The following DYTN variants were observed in gnomAD, a reference collection of about 807,000 sequenced individuals.
DYTN encodes dystrotelin.
Under a neutral mutation model 69.6 loss-of-function variants are expected in DYTN, and 75 were observed. That is an observed-to-expected ratio of 1.08 (90% CI 0.89 to 1.31). The LOEUF is 1.31. Among genes scored for constraint, DYTN ranks in the 50% most tolerant of loss-of-function variants. DYTN has a pLI of 0.00. For synonymous variants in DYTN, 252 were observed against 249.1 expected (o/e 1.01, Z -0.11); for missense variants, 726 against 688.4 (o/e 1.05, Z -0.61).
intron 7 of DYTN, among the ~76,000 whole-genome samples, chr2:206,696,420 T>TTGTTTACTG (rs145346741): frequency 0.01 from 1,581 of 152,278 alleles, 27 homozygotes; most frequent in African/African-American, 0.036. Flanking sequence ...TCAGCTACCC[T>TTGTTTACTG]TGTTTACTGC....
intron 5 of DYTN, among the ~76,000 whole-genome samples, chr2:206,703,707 C>T (rs767771796): frequency 1.3e-5 from 2 of 152,186 alleles, no homozygotes; most frequent in African/African-American, 4.8e-5. Flanking sequence ...TCCTCCTTAT[C>T]CCGCCCTTGC....
At chr2:206,711,195 T>C (rs1181879878) in intron 1 of DYTN, among the ~76,000 whole-genome samples, 1 of 152,248 alleles carries the variant, frequency 6.6e-6, no homozygotes, top group Non-Finnish European at 1.5e-5. Flanking sequence ...ATTTTCTCTC[T>C]GCTCAATATT....
chr2:206,692,100 AC>A (rs970526542), intron 9 of DYTN, among the ~76,000 whole-genome samples: 3 of 151,860 alleles, frequency 2.0e-5, no homozygotes, highest in African/African-American at 7.3e-5. Flanking sequence ...ACATAGTGAG[AC>A]CCCCATCTCT....
chr2:206,661,452 A>T (rs2105887685), intron 11 of DYTN, among the ~76,000 whole-genome samples: 1 of 152,256 alleles, frequency 6.6e-6, no homozygotes, highest in African/African-American at 2.4e-5. Flanking sequence ...CTTGAACAAT[A>T]CAGGTTTGAA....
intron 9 of DYTN, among the ~76,000 whole-genome samples, chr2:206,674,918 A>G (rs900774565): frequency 1.3e-5 from 2 of 151,974 alleles, no homozygotes; most frequent in Admixed American, 6.6e-5. Flanking sequence ...ATCTCGAGCC[A>G]ACAACTAAAA....
At chr2:206,679,203 C>G (rs1313278082) in intron 9 of DYTN, 1 of 152,116 alleles carries the variant, frequency 6.6e-6, no homozygotes, top group Non-Finnish European at 1.5e-5. Context: ...GTTGTAGCAA[C>G]TTTTAATTAT....
intron 11 of DYTN, among the ~76,000 whole-genome samples, chr2:206,655,768 G>A (rs1429505947): frequency 6.6e-6 from 1 of 151,896 alleles, no homozygotes; most frequent in East Asian, 1.9e-4. Flanking sequence ...AATGTGTTGT[G>A]TAGTTTAACA....
chr2:206,660,693 T>C (rs539703062), intron 11 of DYTN, among the ~76,000 whole-genome samples: 1 of 152,326 alleles, frequency 6.6e-6, no homozygotes, highest in East Asian at 1.9e-4. Context: ...GCACAAGCAG[T>C]TCCCATCCCT....
chr2:206,682,243 T>C (rs923204532), intron 9 of DYTN, among the ~76,000 whole-genome samples: 10 of 152,168 alleles, frequency 6.6e-5, no homozygotes, highest in Non-Finnish European at 1.2e-4. Context: ...TCATCTTTTG[T>C]TGTGTCTTTT....
chr2:206,701,099 A>G (rs903328950), intron 5 of DYTN: 4 of 152,220 alleles, frequency 2.6e-5, no homozygotes, highest in Non-Finnish European at 5.9e-5. Flanking sequence ...GAGAAGCAGG[A>G]AAGAGTAGAT....
At chr2:206,676,232 G>A (rs893207726) in intron 9 of DYTN, among the ~76,000 whole-genome samples, 2 of 152,142 alleles carry the variant, frequency 1.3e-5, no homozygotes, top group African/African-American at 4.8e-5. Context: ...TATACACCAT[G>A]GAATACTATG....
At chr2:206,665,673 C>T (rs998676106) in intron 10 of DYTN, among the ~76,000 whole-genome samples, 197 bp downstream of exon 10, 1 of 152,128 alleles carries the variant, frequency 6.6e-6, no homozygotes, top group African/African-American at 2.4e-5. Context: ...ATTACAGATC[C>T]TGTTGTTTTT....
chr2:206,715,201 T>C (rs1029026751), intron 1 of DYTN, among the ~76,000 whole-genome samples: 6 of 152,126 alleles, frequency 3.9e-5, no homozygotes, highest in African/African-American at 1.4e-4. Context: ...TAGGTCCTTC[T>C]GGGTCCCAAT....
chr2:206,660,291 G>C (rs1306895776), intron 11 of DYTN, among the ~76,000 whole-genome samples: 1 of 151,934 alleles, frequency 6.6e-6, no homozygotes, highest in African/African-American at 2.4e-5. Context: ...TTTATATCTT[G>C]ATAAGGTCCC....
At chr2:206,682,310 AT>A (rs1559310631) in intron 9 of DYTN, among the ~76,000 whole-genome samples, 1 of 151,416 alleles carries the variant, frequency 6.6e-6, no homozygotes, top group African/African-American at 2.4e-5. Flanking sequence ...TATTTTGTTA[AT>A]TTTTTTCAAA....
At chr2:206,664,550 A>G (rs1169056125) in intron 10 of DYTN, among the ~76,000 whole-genome samples, 2 of 152,008 alleles carry the variant, frequency 1.3e-5, no homozygotes, top group Non-Finnish European at 2.9e-5. Context: ...GATCCTAGCT[A>G]GCCACGAGGT....
At chr2:206,712,020 A>G (rs1201835705) in intron 1 of DYTN, among the ~76,000 whole-genome samples, 2 of 152,178 alleles carry the variant, frequency 1.3e-5, no homozygotes, top group African/African-American at 2.4e-5. Flanking sequence ...CAATAAAGTT[A>G]TATAAGATCA....
chr2:206,681,822 C>A lies in DYTN; in HGVS notation c.980+11353G>T, dbSNP rs1396029484. Reference sequence around the variant, plus strand: ...TTTGCATCAATGTTCATCAGGGATACTGGCCTGAAGTTTTCTTTTTTTGTT... The same window carrying A: ...TTTGCATCAATGTTCATCAGGGATAATGGCCTGAAGTTTTCTTTTTTTGTT... On this transcript the variant is annotated intron_variant, in intron 9 of 11. Transcript: ENST00000452335. 3.3e-5 allele frequency among the ~76,000 whole-genome samples: 5 copies of A among 152,094 alleles called. No homozygotes were observed. In the East Asian group the frequency reaches 7.7e-4, roughly 23 times the overall value.
At chr2:206,691,776 A>G (rs1400526716) in intron 9 of DYTN, among the ~76,000 whole-genome samples, 1 of 152,176 alleles carries the variant, frequency 6.6e-6, no homozygotes, top group Non-Finnish European at 1.5e-5. Context: ...ATAAAAACAT[A>G]TTTTAAAATA....
Sources: gnomAD v4.1 joint callset for allele counts (sites outside exome capture counted in the v4.1 genomes callset) on GRCh38, gnomAD v4.1.1 for gene constraint, MANE v1.5 for transcripts, NCBI Gene and HGNC (gene_info 2026-07-23, HGNC 2026-07-21) for gene names.